Variants in MAGI2 observed in about 807,000 individuals in gnomAD.
The protein encoded by MAGI2 is membrane associated guanylate kinase, WW and PDZ domain containing 2, also known as membrane-associated guanylate kinase, WW and PDZ domain-containing protein 2.
In MAGI2, 35 loss-of-function variants were observed where a neutral mutation model predicts 133.3. That is an observed-to-expected ratio of 0.26 (90% CI 0.20 to 0.35). MAGI2 has a LOEUF of 0.35. Among genes scored for constraint, MAGI2 ranks in the 10% least tolerant of loss-of-function variants. MAGI2 has a pLI of 1.00. For synonymous variants in MAGI2, 729 were observed against 710.6 expected (o/e 1.03, Z -0.41); for missense variants, 1,636 against 1,863.4 (o/e 0.88, Z 2.25).
At chr7:78,483,133 G>A (rs1792597022) in intron 6 of MAGI2, among the ~76,000 whole-genome samples, 1 of 151,370 alleles carries the variant, frequency 6.6e-6, no homozygotes. Context: ...GCAAGTGAGG[G>A]GTGTCTAAAA....
At chr7:79,358,819 A>G (rs1842191844) in intron 1 of MAGI2, among the ~76,000 whole-genome samples, 1 of 152,194 alleles carries the variant, frequency 6.6e-6, no homozygotes, top group Non-Finnish European at 1.5e-5. Flanking sequence ...ATAATACCAC[A>G]AAGACTCTGA....
chr7:79,284,047 G>C (rs1835834653), intron 1 of MAGI2, among the ~76,000 whole-genome samples: 1 of 152,084 alleles, frequency 6.6e-6, no homozygotes, highest in Non-Finnish European at 1.5e-5. Flanking sequence ...CATAGCCTAA[G>C]TGTGTAGTAG....
intron 2 of MAGI2, among the ~76,000 whole-genome samples, chr7:78,710,284 G>A (rs1408620452): frequency 1.3e-5 from 2 of 152,120 alleles, no homozygotes; most frequent in East Asian, 3.9e-4. Context: ...CAGGACTAAT[G>A]CTAATTTTAA....
At chr7:78,461,934 A>AG (rs535246219) in intron 6 of MAGI2, among the ~76,000 whole-genome samples, 21,763 of 138,042 alleles carry the variant, frequency 0.16, 2,363 homozygotes, top group African/African-American at 0.21. Context: ...AAAAAAAAAA[A>AG]AAAAAAAAAA....
At chr7:78,626,910 A>C (rs1401168242) in intron 3 of MAGI2, among the ~76,000 whole-genome samples, 1 of 151,002 alleles carries the variant, frequency 6.6e-6, no homozygotes, top group African/African-American at 2.4e-5. Flanking sequence ...AATATAAAAT[A>C]TTTAAAAATA....
At chr7:79,029,387 T>C (rs1046455100) in intron 1 of MAGI2, among the ~76,000 whole-genome samples, 1 of 152,178 alleles carries the variant, frequency 6.6e-6, no homozygotes, top group African/African-American at 2.4e-5. Context: ...TGTGATTAAC[T>C]AAAGATGGGG....
In MAGI2 at chr7:79,363,231, T is replaced by C. The variant is rs573263963; in HGVS notation, c.301+89789A>G. Among the ~76,000 whole-genome samples, 37 of 150,942 alleles carry C rather than the reference T, an allele frequency of 2.5e-4. No homozygotes were observed. In the South Asian group the frequency reaches 5.0e-3, roughly 21 times the overall value. On this transcript the variant is annotated intron_variant, in intron 1 of 21. Coordinates refer to ENST00000354212, the MANE Select transcript of MAGI2 (RefSeq NM_012301.4). ...AAAATGAAATTCTTAGGTATACAGT[T>C]TAAAAATGTATGCTGAAAGCTTCGT...
intron 1 of MAGI2, among the ~76,000 whole-genome samples, chr7:79,356,871 T>C (rs1233056890): frequency 2.0e-5 from 3 of 152,184 alleles, no homozygotes; most frequent in Non-Finnish European, 4.4e-5. Context: ...TTTACATCAA[T>C]GAGTAATACT....
At chr7:79,452,887 G>C in intron 1 of MAGI2, 133 bp downstream of exon 1, 1 of 933,546 alleles carries the variant, frequency 1.1e-6, no homozygotes, top group South Asian at 1.8e-5. Flanking sequence ...CACTTGCACT[G>C]CGGGTGCTCT....
At chr7:79,444,534 G>C (rs1425599144) in intron 1 of MAGI2, among the ~76,000 whole-genome samples, 1 of 152,098 alleles carries the variant, frequency 6.6e-6, no homozygotes, top group Non-Finnish European at 1.5e-5. Context: ...CAAACACAGA[G>C]TCAAATCATG....
chr7:78,471,444 A>G (rs1211770405), intron 6 of MAGI2, among the ~76,000 whole-genome samples: 3 of 152,174 alleles, frequency 2.0e-5, no homozygotes, highest in East Asian at 3.9e-4. Context: ...TACTCAATAC[A>G]TGGTAACTAT....
chr7:78,941,622 C>T (rs1387888724), intron 2 of MAGI2, among the ~76,000 whole-genome samples: 3 of 151,990 alleles, frequency 2.0e-5, no homozygotes, highest in African/African-American at 7.2e-5. Flanking sequence ...AGTCATGAGC[C>T]ACTCTGCCCG....
intron 1 of MAGI2, among the ~76,000 whole-genome samples, chr7:79,034,572 G>A (rs551643255): frequency 1.3e-5 from 2 of 151,972 alleles, no homozygotes; most frequent in East Asian, 1.9e-4. Context: ...TACTAAGAAG[G>A]TGAATACACA....
chr7:78,352,984 T>A (rs932297374), intron 7 of MAGI2: 4 of 152,184 alleles, frequency 2.6e-5, no homozygotes, highest in African/African-American at 7.2e-5. Context: ...GTACATAGAT[T>A]CAACTTCAAA....
chr7:78,787,175 T>C (rs1046881207), intron 2 of MAGI2, among the ~76,000 whole-genome samples: 2 of 152,148 alleles, frequency 1.3e-5, no homozygotes, highest in Non-Finnish European at 2.9e-5. Context: ...CTCGATCTCC[T>C]GACCTCATGA....
chr7:78,476,774 C>A (rs1791795886), intron 6 of MAGI2, among the ~76,000 whole-genome samples: 1 of 151,838 alleles, frequency 6.6e-6, no homozygotes. Context: ...AGCTGTGTGA[C>A]TGGCATCACT....
intron 2 of MAGI2, among the ~76,000 whole-genome samples, chr7:78,744,566 C>T (rs1346443116): frequency 1.3e-5 from 2 of 151,920 alleles, no homozygotes; most frequent in Admixed American, 6.6e-5. Context: ...CCTTGTTTCT[C>T]GTTGTGGTTT....
At chr7:78,537,194 CACACACACACACAG>C (rs1427818323) in intron 3 of MAGI2, among the ~76,000 whole-genome samples, 1 of 151,788 alleles carries the variant, frequency 6.6e-6, no homozygotes, top group African/African-American at 2.4e-5. Context: ...CACACACACA[CACACACACACACAG>C]ACACATTTTC....
intron 1 of MAGI2, among the ~76,000 whole-genome samples, chr7:79,244,124 T>C (rs1236826336): frequency 6.6e-6 from 1 of 152,250 alleles, no homozygotes; most frequent in African/African-American, 2.4e-5. Context: ...CCATGAGGTC[T>C]TTGTAAACCT....
Sources: gnomAD v4.1 joint callset for allele counts (sites outside exome capture counted in the v4.1 genomes callset) on GRCh38, gnomAD v4.1.1 for gene constraint, MANE v1.5 for transcripts, NCBI Gene and HGNC (gene_info 2026-07-23, HGNC 2026-07-21) for gene names.